ADAP1: variants seen among roughly 807,000 people sequenced by gnomAD.
ADAP1 encodes the protein arf-GAP with dual PH domain-containing protein 1.
A neutral mutation model predicts 54.9 loss-of-function variants in ADAP1; 31 were observed. That is an observed-to-expected ratio of 0.56 (90% CI 0.42 to 0.76). The LOEUF is 0.76. Among genes scored for constraint, ADAP1 ranks in the 30% least tolerant of loss-of-function variants. The pLI is 0.00. For synonymous variants in ADAP1, 313 were observed against 202.6 expected, an observed-to-expected ratio of 1.55 and a Z score of -4.63; for missense variants, 535 against 512.4, an observed-to-expected ratio of 1.04 and a Z score of -0.42.
chr7:945,210 G>A lies in ADAP1; in HGVS notation c.82+9186C>T, dbSNP rs1308662906. ...GCTGGGCAGGCCTCCTTCTCAGGCT[G>A]CTGGGCATGGCCAGGCCTGCCTGCA... On this transcript the variant is annotated intron_variant, in intron 1 of 10. Transcript: ENST00000265846. The surrounding 1 kb of genome is among the most constrained non-coding windows in gnomAD (Gnocchi z 4.2). Among the ~76,000 whole-genome samples the A allele has an allele frequency of 6.6e-6, 1 of 152,208 alleles. No individual in the cohort carries two copies. Among genetic ancestry groups the A allele is most frequent in the Non-Finnish European group, 1.5e-5 (1 of 68,022 alleles).
intron 1 of ADAP1, among the ~76,000 whole-genome samples, chr7:936,293 C>A (rs943728389): frequency 2.0e-5 from 3 of 152,236 alleles, no homozygotes; most frequent in Non-Finnish European, 2.9e-5. Flanking sequence ...CTCTGCCTCC[C>A]GGGTTCAAGC....
upstream of ADAP1, chr7:955,345 T>A (rs1347074769): frequency 2.6e-6 from 4 of 1,550,362 alleles, no homozygotes; most frequent in East Asian, 7.3e-5. Context: ...TCTTTTCAAA[T>A]TCTTTCCATT....
intron 1 of ADAP1, among the ~76,000 whole-genome samples, chr7:951,373 A>G (rs1311079905): frequency 9.8e-6 from 1 of 102,142 alleles, no homozygotes; most frequent in Admixed American, 8.9e-5. Flanking sequence ...ACTCCGTCTC[A>G]AAAAAAAAAA....
intron 4 of ADAP1, among the ~76,000 whole-genome samples, chr7:916,466 A>C (rs1465339150): frequency 6.6e-6 from 1 of 152,200 alleles, no homozygotes; most frequent in African/African-American, 2.4e-5. Flanking sequence ...AGCCCAGCCC[A>C]TGCCTGCCTC....
chr7:913,935 C>A (rs1845828603), intron 4 of ADAP1, among the ~76,000 whole-genome samples: 1 of 152,154 alleles, frequency 6.6e-6, no homozygotes. Context: ...AAAAAACAAA[C>A]AAACAAAAAA....
At chr7:910,281 T>G (rs1236338713) in intron 4 of ADAP1, among the ~76,000 whole-genome samples, 1 of 151,822 alleles carries the variant, frequency 6.6e-6, no homozygotes, top group East Asian at 1.9e-4. Flanking sequence ...TTTTTTTTTT[T>G]TTTCCCCACC....
At position 936,866 on chromosome 7, in the gene ADAP1, G is replaced by A. The variant is rs754310891; in HGVS notation, c.83-1361C>T. On this transcript the variant is annotated intron_variant, in intron 1 of 10. Transcript: ENST00000265846. ...GAGGACCCCACCCTTCAGGCCTGGC[G>A]GAGGATAGCCCCCCTCCCAACGCTG... Among the ~76,000 whole-genome samples the A allele has an allele frequency of 4.6e-5, 7 of 152,232 alleles. No homozygotes were observed. The South Asian group carries it at 6.2e-4, about 13-fold the overall frequency.
At chr7:905,362 A>C (rs57860044) in intron 4 of ADAP1, 190 bp from the exon 5 acceptor site, 1 of 106,556 alleles carries the variant, frequency 9.4e-6, no homozygotes, top group Non-Finnish European at 1.6e-5. Context: ...TGGGCAGGGA[A>C]AGGGAAAGGG....
chr7:910,361 A>T (rs1845674049), intron 4 of ADAP1, among the ~76,000 whole-genome samples: 1 of 151,338 alleles, frequency 6.6e-6, no homozygotes, highest in Non-Finnish European at 1.5e-5. Flanking sequence ...GTGATCCTCC[A>T]GCCTTGGCCT....
intron 4 of ADAP1, among the ~76,000 whole-genome samples, chr7:916,879 C>T (rs1056367050): frequency 6.6e-6 from 1 of 152,112 alleles, no homozygotes; most frequent in South Asian, 2.1e-4. Flanking sequence ...CACCCCTGCT[C>T]ACCCCACGCC....
rs772418655 is a variant in ADAP1 at position 900,525 on chromosome 7, C to T, written c.732+8G>A. Reference sequence around the variant, plus strand: ...TGCCCTGGAGCTGACCGCAGGGCCGCCACTCACATCTGCGTCGCCGGCCCC... The same window carrying T: ...TGCCCTGGAGCTGACCGCAGGGCCGTCACTCACATCTGCGTCGCCGGCCCC... On this transcript the variant is annotated splice_region_variant and intron_variant, in intron 7 of 10. Transcript: ENST00000265846. 5 of 1,602,024 alleles carry T rather than the reference C, an allele frequency of 3.1e-6. No homozygotes were observed. Among genetic ancestry groups the T allele is most frequent in the African/African-American group, 1.3e-5 (1 of 74,634 alleles).
intron 1 of ADAP1, among the ~76,000 whole-genome samples, chr7:944,687 C>G (rs1219878602): frequency 6.6e-6 from 1 of 152,208 alleles, no homozygotes; most frequent in Non-Finnish European, 1.5e-5. Context: ...GCACCCATCA[C>G]CTCAAGCGTG....
chr7:906,785 G>GC (rs1845466302), intron 4 of ADAP1, among the ~76,000 whole-genome samples: 1 of 14,772 alleles, frequency 6.8e-5, no homozygotes, highest in African/African-American at 2.6e-4. Flanking sequence ...CAGGGGACAC[G>GC]GGGGACGGGA....
chr7:908,930 C>CG (rs1436835097), intron 4 of ADAP1, among the ~76,000 whole-genome samples: 2 of 152,190 alleles, frequency 1.3e-5, no homozygotes, highest in Non-Finnish European at 2.9e-5. Flanking sequence ...CAGGACACAG[C>CG]GGGGGCCCCT....
At chr7:954,341 A>ACC in intron 1 of ADAP1, 55 bp downstream of exon 1, 18 of 753,610 alleles carry the variant, frequency 2.4e-5, no homozygotes, top group East Asian at 1.3e-4. Context: ...CCCGCCCGGC[A>ACC]CCCCGCGCCC....
At chr7:905,280 ACGGACGG>A in intron 4 of ADAP1, 108 bp from the exon 5 acceptor site, 1 of 321,392 alleles carries the variant, frequency 3.1e-6, no homozygotes, top group Non-Finnish European at 5.4e-6. Context: ...CACGGGGGAC[ACGGACGG>A]GGGACACGGA....
At chr7:940,444 A>G (rs994030864) in intron 1 of ADAP1, among the ~76,000 whole-genome samples, 1 of 152,170 alleles carries the variant, frequency 6.6e-6, no homozygotes, top group Non-Finnish European at 1.5e-5. Flanking sequence ...TGTTGGAGAC[A>G]GGAGCAACAC....
At chr7:944,894 G>A (rs1029262774) in intron 1 of ADAP1, among the ~76,000 whole-genome samples, 1 of 151,980 alleles carries the variant, frequency 6.6e-6, no homozygotes, top group Non-Finnish European at 1.5e-5. Flanking sequence ...ACCCTGGGAG[G>A]GAAGAGCCCG....
At position 905,906 on chromosome 7, in the gene ADAP1, A is replaced by AAGGGAG. The variant is rs1845252241; in HGVS notation, c.389-735_389-734insCTCCCT. On this transcript the variant is annotated intron_variant, in intron 4 of 10. Transcript: ENST00000265846. ...GGAGAAAGGAGAAAGGAGAAAGGAG[A>AAGGGAG]AAGGGAAAGGAGAAAGGGAGAAAGG... Among the ~76,000 whole-genome samples, 36 of 33,294 alleles carry AAGGGAG rather than the reference A, an allele frequency of 1.1e-3. 5 individuals are homozygous for AAGGGAG. Among genetic ancestry groups the AAGGGAG allele is most frequent in the South Asian group, 3.9e-3 (3 of 768 alleles). 21.8% of individuals were successfully genotyped at this position (33,294 alleles called of 152,430 possible).
Sources: allele counts gnomAD v4.1 joint callset (sites outside exome capture counted in the v4.1 genomes callset), GRCh38; gene constraint gnomAD v4.1.1; non-coding constraint Gnocchi (gnomAD v3.1); transcripts MANE v1.5; gene names NCBI Gene and HGNC (gene_info 2026-07-23, HGNC 2026-07-21).